Variants in LINGO2 observed in about 807,000 individuals in gnomAD.
LINGO2 encodes the protein leucine-rich repeat and immunoglobulin-like domain-containing nogo receptor-interacting protein 2.
In LINGO2, 14 loss-of-function variants were observed where a neutral mutation model predicts 30.6. The observed-to-expected ratio is 0.46, with a 90% CI of 0.30 to 0.72. The LOEUF (loss-of-function observed/expected upper bound fraction) is 0.72, where lower values mean the gene tolerates loss of function less well. LINGO2 is among the 30% of genes least tolerant of loss of function. The pLI is 0.07. For synonymous variants in LINGO2, 317 were observed against 288.5 expected (o/e 1.10, Z -1.00); for missense variants, 729 against 751.7 (o/e 0.97, Z 0.35).
At chr9:29,147,618 T>G in the LINGO2 span, among the ~76,000 whole-genome samples, 1 of 152,122 alleles carries the variant, frequency 6.6e-6, no homozygotes, top group African/African-American at 2.4e-5. Flanking sequence ...TAGGAATCAG[T>G]AATTATCTTC....
intron 4 of LINGO2, among the ~76,000 whole-genome samples, chr9:28,250,605 C>T (rs1446883453): frequency 6.6e-6 from 1 of 152,180 alleles, no homozygotes; most frequent in African/African-American, 2.4e-5. Context: ...GTGTCCCCAT[C>T]CCCGCTCATG....
chr9:28,233,030 T>TTATATATATATATATATA (rs1554690875), intron 4 of LINGO2, among the ~76,000 whole-genome samples: 1,720 of 77,110 alleles, frequency 0.022, 36 homozygotes, highest in Non-Finnish European at 0.026. Flanking sequence ...ACAGTAAACA[T>TTATATATATATATATATA]TATATATATA....
chr9:29,053,976 A>G, the LINGO2 span, among the ~76,000 whole-genome samples: 2 of 152,074 alleles, frequency 1.3e-5, no homozygotes, highest in African/African-American at 4.8e-5. Flanking sequence ...TATTAAAAGA[A>G]TTTATAAATA....
At chr9:28,964,767 T>C in the LINGO2 span, among the ~76,000 whole-genome samples, 1 of 151,944 alleles carries the variant, frequency 6.6e-6, no homozygotes, top group African/African-American at 2.4e-5. Context: ...GATTAAGTTT[T>C]GGTATAATCC....
the LINGO2 span, among the ~76,000 whole-genome samples, chr9:28,987,215 T>A: frequency 6.6e-6 from 1 of 151,766 alleles, no homozygotes; most frequent in African/African-American, 2.4e-5. Context: ...ACTGATTAAA[T>A]CTCCTTCCTC....
chr9:28,801,241 G>C, the LINGO2 span, among the ~76,000 whole-genome samples: 2 of 152,198 alleles, frequency 1.3e-5, no homozygotes, highest in East Asian at 1.9e-4. Flanking sequence ...ATGCAAAGCT[G>C]TTCAAGATAG....
chr9:28,040,502 CT>C (rs1824151979), intron 4 of LINGO2, among the ~76,000 whole-genome samples: 1 of 73,836 alleles, frequency 1.4e-5, no homozygotes, highest in South Asian at 5.4e-4. Flanking sequence ...AATCTTTTTT[CT>C]TTCCCCTCGA....
At chr9:28,536,317 T>C (rs188492701) in intron 1 of LINGO2, among the ~76,000 whole-genome samples, 159 of 152,272 alleles carry the variant, frequency 1.0e-3, no homozygotes, top group Admixed American at 6.0e-3. Flanking sequence ...CATTTACTAG[T>C]TAGGGATTTT....
chr9:28,304,032 T>G lies in LINGO2; in HGVS notation c.-245-8666A>C, dbSNP rs148454461. The stretch of plus-strand genomic sequence containing the variant: ...TATAAGGATAGATGCATAACAATGA[T>G]AGCTAAAGCACTGGGTTTCCCTGCA... On this transcript the variant is annotated intron_variant, in intron 3 of 5. Transcript: ENST00000379992. Among the ~76,000 whole-genome samples, 600 of 152,206 alleles carry G rather than the reference T, an allele frequency of 3.9e-3. 5 individuals carry two copies. Among genetic ancestry groups the G allele is most frequent in the African/African-American group, 0.013 (549 of 41,554 alleles).
chr9:28,967,094 T>C, the LINGO2 span, among the ~76,000 whole-genome samples: 1 of 152,136 alleles, frequency 6.6e-6, no homozygotes, highest in African/African-American at 2.4e-5. Flanking sequence ...GGGACTAGAC[T>C]GTATCTCTAA....
the LINGO2 span, among the ~76,000 whole-genome samples, chr9:28,737,845 T>C: frequency 6.6e-6 from 1 of 152,072 alleles, no homozygotes; most frequent in Middle Eastern, 3.4e-3. Context: ...CACACACACA[T>C]GCACTTTAAA....
chr9:28,597,048 TGATTCAATGATA>T (rs1825219098), intron 1 of LINGO2, among the ~76,000 whole-genome samples: 1 of 152,152 alleles, frequency 6.6e-6, no homozygotes, highest in Non-Finnish European at 1.5e-5. Flanking sequence ...CTGAAAGCAA[TGATTCAATGATA>T]AAACTATGAG....
chr9:28,803,218 G>A, the LINGO2 span, among the ~76,000 whole-genome samples: 3 of 151,884 alleles, frequency 2.0e-5, no homozygotes, highest in Non-Finnish European at 4.4e-5. Flanking sequence ...AGATTAAGTG[G>A]ATTACAAACA....
the LINGO2 span, chr9:27,938,330 A>G: frequency 6.6e-6 from 1 of 152,154 alleles, no homozygotes; most frequent in Non-Finnish European, 1.5e-5. Context: ...TTCATACTCA[A>G]TGATATCTAG....
chr9:28,145,532 C>T (rs1051128572), intron 4 of LINGO2, among the ~76,000 whole-genome samples: 1 of 152,112 alleles, frequency 6.6e-6, no homozygotes, highest in South Asian at 2.1e-4. Context: ...GCTGTCTGTA[C>T]TCTAATTCAG....
At position 28,512,644 on chromosome 9, in the gene LINGO2, T is replaced by TACAC. The variant is rs1363057476; in HGVS notation, c.-364-36620_-364-36619insGTGT. 5.0e-5 allele frequency among the ~76,000 whole-genome samples: 3 copies of TACAC among 59,936 alleles called. No homozygotes were observed. In the Admixed American group the frequency reaches 6.0e-4, roughly 12 times the overall value. 39.3% of individuals were successfully genotyped at this position (59,936 alleles called of 152,430 possible). ...ATATATATATATATATATACACACA[T>TACAC]ACATACACACACACACACATATGGA... On this transcript the variant is annotated intron_variant, in intron 1 of 5. Transcript: ENST00000379992.
At chr9:28,157,048 G>A (rs907360417) in intron 4 of LINGO2, among the ~76,000 whole-genome samples, 5 of 152,152 alleles carry the variant, frequency 3.3e-5, no homozygotes, top group Non-Finnish European at 7.3e-5. Flanking sequence ...GGAGGACAGT[G>A]GCCCTCTCCT....
intron 1 of LINGO2, among the ~76,000 whole-genome samples, chr9:28,487,856 G>T (rs1234108633): frequency 6.6e-6 from 1 of 152,098 alleles, no homozygotes; most frequent in Non-Finnish European, 1.5e-5. Context: ...AATTTGCCAA[G>T]ATGCTCTCAG....
chr9:29,149,514 C>G, the LINGO2 span, among the ~76,000 whole-genome samples: 1 of 152,022 alleles, frequency 6.6e-6, no homozygotes, highest in Admixed American at 6.5e-5. Flanking sequence ...GCAACGCGGG[C>G]ACCGAGAATG....
Sources: gnomAD v4.1 joint callset for allele counts (sites outside exome capture counted in the v4.1 genomes callset) on GRCh38, gnomAD v4.1.1 for gene constraint, MANE v1.5 for transcripts, NCBI Gene and HGNC (gene_info 2026-07-23, HGNC 2026-07-21) for gene names.